The following LOC400499 variants were observed in gnomAD, a reference collection of about 807,000 sequenced individuals.
chr16:11,501,105 C>A, the LOC400499 span: 1 of 332,618 alleles, frequency 3.0e-6, no homozygotes, highest in African/African-American at 3.1e-5. Context: ...GGGGCTGACC[C>A]GGGTCTGGGA....
chr16:11,447,964 A>G, the LOC400499 span: 11 of 1,535,936 alleles, frequency 7.2e-6, no homozygotes, highest in Middle Eastern at 1.7e-4. Flanking sequence ...TTTCCGGTAC[A>G]ATGTCCTGTC....
the LOC400499 span, among the ~76,000 whole-genome samples, chr16:11,510,671 G>A: frequency 5.9e-5 from 9 of 151,620 alleles, no homozygotes; most frequent in Non-Finnish European, 1.2e-4. Context: ...CCTGTCCCCA[G>A]AGCCCCGGCA....
At chr16:11,451,574 ACAAAC>A in the LOC400499 span, among the ~76,000 whole-genome samples, 2,627 of 148,228 alleles carry the variant, frequency 0.018, 76 homozygotes, top group African/African-American at 0.063. Flanking sequence ...AAACAAACAA[ACAAAC>A]AAAAAACCAA....
At chr16:11,484,889 A>G in the LOC400499 span, 4 of 399,112 alleles carry the variant, frequency 1.0e-5, no homozygotes, top group East Asian at 1.4e-4. Context: ...CTTCTGCTGT[A>G]GGTATCTCAT....
At chr16:11,480,985 T>C in the LOC400499 span, among the ~76,000 whole-genome samples, 1 of 152,200 alleles carries the variant, frequency 6.6e-6, no homozygotes, top group African/African-American at 2.4e-5. Flanking sequence ...TAAACACACG[T>C]GGTACATCCA....
the LOC400499 span, among the ~76,000 whole-genome samples, chr16:11,503,021 C>G: frequency 6.8e-6 from 1 of 147,082 alleles, no homozygotes; most frequent in African/African-American, 2.5e-5. Context: ...TCCTGGGCTC[C>G]AGCGATCCTC....
At chr16:11,434,347 C>T in the LOC400499 span, among the ~76,000 whole-genome samples, 3 of 152,122 alleles carry the variant, frequency 2.0e-5, no homozygotes, top group Admixed American at 1.3e-4. Flanking sequence ...CATAGCAAGA[C>T]CCCGTTCCTA....
chr16:11,437,993 T>G, the LOC400499 span, among the ~76,000 whole-genome samples: 3 of 152,154 alleles, frequency 2.0e-5, no homozygotes, highest in African/African-American at 7.2e-5. Flanking sequence ...GAAACCAGAA[T>G]GCCTGGGTTC....
At chr16:11,503,206 C>T in the LOC400499 span, among the ~76,000 whole-genome samples, 11,452 of 151,928 alleles carry the variant, frequency 0.075, 1,232 homozygotes, top group African/African-American at 0.24. Context: ...TGAGCCATCG[C>T]GCCCACCCTT....
At chr16:11,400,821 G>C in the LOC400499 span, among the ~76,000 whole-genome samples, 9 of 152,170 alleles carry the variant, frequency 5.9e-5, no homozygotes, top group African/African-American at 1.9e-4. Flanking sequence ...TCTGGAGAGC[G>C]TCTTTTGCCT....
At chr16:11,460,444 T>C in the LOC400499 span, 1 of 1,498,364 alleles carries the variant, frequency 6.7e-7, no homozygotes, top group African/African-American at 1.4e-5. Flanking sequence ...TCTAGTGCTC[T>C]CTCCGGATGT....
At chr16:11,423,011 C>G in the LOC400499 span, among the ~76,000 whole-genome samples, 1 of 125,424 alleles carries the variant, frequency 8.0e-6, no homozygotes. Context: ...TGCATGTCAC[C>G]AGGGATGTGG....
the LOC400499 span, among the ~76,000 whole-genome samples, chr16:11,506,211 G>C: frequency 2.0e-5 from 3 of 152,046 alleles, no homozygotes; most frequent in Non-Finnish European, 4.4e-5. Context: ...TTTTAGTAGA[G>C]ACAGGGTTTC....
chr16:11,385,607 C>A, the LOC400499 span, among the ~76,000 whole-genome samples: 1 of 152,236 alleles, frequency 6.6e-6, no homozygotes, highest in Non-Finnish European at 1.5e-5. Context: ...ATGACATGAG[C>A]TGAAGGTCTA....
chr16:11,493,836 G>T, the LOC400499 span: 3 of 214,994 alleles, frequency 1.4e-5, no homozygotes, highest in Non-Finnish European at 2.4e-5. Context: ...GGGCAGTGGC[G>T]TGGGGGGCGG....
the LOC400499 span, among the ~76,000 whole-genome samples, chr16:11,410,009 G>A: frequency 2.0e-5 from 3 of 152,164 alleles, no homozygotes; most frequent in Non-Finnish European, 2.9e-5. Context: ...GCCAGGTGTG[G>A]TGGTACCACC....
At chr16:11,387,207 C>A in the LOC400499 span, 1 of 1,232,286 alleles carries the variant, frequency 8.1e-7, no homozygotes, top group Non-Finnish European at 1.0e-6. Flanking sequence ...AGCAGCTTCT[C>A]CTCCATGAGG....
the LOC400499 span, among the ~76,000 whole-genome samples, chr16:11,431,737 T>G: frequency 6.6e-6 from 1 of 152,124 alleles, no homozygotes; most frequent in Non-Finnish European, 1.5e-5. Context: ...TACTGACAGG[T>G]ACTCAACCAG....
chr16:11,382,868 C>A, the LOC400499 span, among the ~76,000 whole-genome samples: 2 of 151,510 alleles, frequency 1.3e-5, no homozygotes, highest in Non-Finnish European at 3.0e-5. Context: ...TCTGTGGACA[C>A]TTAGCTTAGT....
Sources: allele counts gnomAD v4.1 joint callset (sites outside exome capture counted in the v4.1 genomes callset), GRCh38; gene constraint gnomAD v4.1.1; transcripts MANE v1.5.